Variants in HIPK3 observed in about 807,000 individuals in gnomAD.
The protein encoded by HIPK3 is homeodomain-interacting protein kinase 3.
In HIPK3, 47 loss-of-function variants were observed where a neutral mutation model predicts 124.2. The observed-to-expected ratio is 0.38, with a 90% CI of 0.30 to 0.48. The LOEUF is 0.48. Among genes scored for constraint, HIPK3 ranks in the 20% least tolerant of loss-of-function variants. HIPK3 has a pLI of 0.98. For synonymous variants in HIPK3, 482 were observed against 515.2 expected, an observed-to-expected ratio of 0.94 and a Z score of 0.87; for missense variants, 1,286 against 1,454.3, an observed-to-expected ratio of 0.88 and a Z score of 1.88.
chr11:33,320,486 G>A (rs1443687214), intron 2 of HIPK3, among the ~76,000 whole-genome samples: 1 of 152,146 alleles, frequency 6.6e-6, no homozygotes, highest in African/African-American at 2.4e-5. Flanking sequence ...GTACTAAATG[G>A]ATCACTCAGA....
intron 2 of HIPK3, among the ~76,000 whole-genome samples, chr11:33,325,594 T>C (rs1852787415): frequency 6.6e-6 from 1 of 152,218 alleles, no homozygotes; most frequent in African/African-American, 2.4e-5. Context: ...TCTTTCTGCC[T>C]AGACTTCTGT....
chr11:33,314,280 C>T (rs1465813077), intron 2 of HIPK3, among the ~76,000 whole-genome samples: 2 of 152,082 alleles, frequency 1.3e-5, no homozygotes, highest in Non-Finnish European at 2.9e-5. Flanking sequence ...TTTCTCCTGT[C>T]TAAAATGGGA....
chr11:33,299,855 C>T (rs533163027), intron 2 of HIPK3, among the ~76,000 whole-genome samples: 11 of 151,824 alleles, frequency 7.2e-5, no homozygotes, highest in Admixed American at 3.9e-4. Context: ...GGGACCTCAT[C>T]TCTACAAAAA....
intron 16 of HIPK3, among the ~76,000 whole-genome samples, chr11:33,352,547 C>T (rs1017773517): frequency 2.0e-5 from 3 of 152,150 alleles, no homozygotes; most frequent in African/African-American, 4.8e-5. Context: ...TTCCTGAATA[C>T]TTTCCATCTT....
chr11:33,257,265 G>A, upstream of HIPK3: 1 of 983,230 alleles, frequency 1.0e-6, no homozygotes, highest in Non-Finnish European at 1.2e-6. Context: ...GCCGCGGCCG[G>A]AGCGGAGCGG....
At chr11:33,310,949 G>A (rs958143976) in intron 2 of HIPK3, among the ~76,000 whole-genome samples, 10 of 152,190 alleles carry the variant, frequency 6.6e-5, no homozygotes, top group Non-Finnish European at 1.5e-4. Flanking sequence ...CATCTGCCAA[G>A]GCCCCTCTTC....
chr11:33,288,039 A>G (rs908329636), intron 2 of HIPK3, among the ~76,000 whole-genome samples: 2 of 152,184 alleles, frequency 1.3e-5, no homozygotes, highest in African/African-American at 4.8e-5. Context: ...AGCACCCCCA[A>G]ATTTGAAAAT....
chr11:33,319,559 T>A (rs753436609), intron 2 of HIPK3, among the ~76,000 whole-genome samples: 3 of 152,300 alleles, frequency 2.0e-5, no homozygotes, highest in Non-Finnish European at 4.4e-5. Flanking sequence ...AGTATTTTTT[T>A]AAATTTTGTA....
chr11:33,276,836 G>A (rs1851286111), intron 1 of HIPK3, among the ~76,000 whole-genome samples: 1 of 151,978 alleles, frequency 6.6e-6, no homozygotes, highest in African/African-American at 2.4e-5. Context: ...TTCTTGAGTA[G>A]CTGGATTACA....
chr11:33,343,025 A>G (rs1229636845), intron 8 of HIPK3, among the ~76,000 whole-genome samples: 2 of 152,114 alleles, frequency 1.3e-5, no homozygotes, highest in Non-Finnish European at 2.9e-5. Context: ...GGGGCCCTAA[A>G]CCAACATGTC....
At chr11:33,318,688 C>G (rs1335674022) in intron 2 of HIPK3, among the ~76,000 whole-genome samples, 1 of 152,106 alleles carries the variant, frequency 6.6e-6, no homozygotes, top group Non-Finnish European at 1.5e-5. Flanking sequence ...TGTCTCTTCC[C>G]CTTTTCTTTT....
Position 33,348,630 on chromosome 11 carries a change from T to A in HIPK3, c.2478T>A (p.Asn826Lys). The A allele has an allele frequency of 6.2e-7, 1 of 1,614,024 alleles. No individual in the cohort carries two copies. The highest frequency in any genetic ancestry group is 1.7e-5 in the Admixed American group (1 of 60,008). Residue 826 changes from asparagine (N) to lysine (K), a missense_variant, in exon 13 of 17, where the codon AAT (asparagine) becomes AAA (lysine). By Grantham distance (94) the Asn-to-Lys change is moderately conservative. This residue lies in a region of HIPK3 where 810 missense variants were observed against 864.9 expected (regional missense o/e 0.94). Coordinates refer to ENST00000303296, the MANE Select transcript of HIPK3 (RefSeq NM_005734.5). ...EEVSCIETQD[N>K]QNSEGEARNC... ...TAAGTTGTATAGAAACACAGGACAATCAGAACTCAGAAGGAGAGGCAAGAA... is the reference window on the plus strand; with the variant it reads ...TAAGTTGTATAGAAACACAGGACAAACAGAACTCAGAAGGAGAGGCAAGAA...
Position 33,288,639 on chromosome 11 carries a change from C to T in HIPK3, c.1097+1128C>T, listed in dbSNP as rs537552686. 4.5e-4 allele frequency among the ~76,000 whole-genome samples: 69 copies of T among 152,218 alleles called. 1 individual carries two copies. The highest frequency in any genetic ancestry group is 1.0e-3 in the South Asian group (5 of 4,810). ...CCATGTAAGTATTGATAAAGTGCTA[C>T]AATGTAACACTAGCCTGAAGTGCAA... On this transcript the variant is annotated intron_variant, in intron 2 of 16. Coordinates refer to ENST00000303296, the MANE Select transcript of HIPK3 (RefSeq NM_005734.5).
intron 2 of HIPK3, among the ~76,000 whole-genome samples, chr11:33,299,691 A>G (rs528381428): frequency 6.6e-6 from 1 of 152,290 alleles, no homozygotes; most frequent in East Asian, 1.9e-4. Flanking sequence ...GAAGTCTTTC[A>G]TGAAAGAGCA....
At chr11:33,305,786 A>G (rs887711160) in intron 2 of HIPK3, among the ~76,000 whole-genome samples, 1 of 152,102 alleles carries the variant, frequency 6.6e-6, no homozygotes, top group Non-Finnish European at 1.5e-5. Context: ...TTGGACCTTT[A>G]TCATTCAGCA....
intron 2 of HIPK3, among the ~76,000 whole-genome samples, chr11:33,313,306 A>T (rs1381555994): frequency 6.6e-6 from 1 of 152,188 alleles, no homozygotes; most frequent in African/African-American, 2.4e-5. Context: ...GGATTTATTT[A>T]TTTTTTTAAA....
chr11:33,336,127 A>C (rs760850417), intron 3 of HIPK3, among the ~76,000 whole-genome samples: 1 of 152,184 alleles, frequency 6.6e-6, no homozygotes, highest in Non-Finnish European at 1.5e-5. Context: ...GTTACTGAGA[A>C]GGGCAGAGTT....
At chr11:33,279,425 A>G (rs1438550458) in intron 1 of HIPK3, among the ~76,000 whole-genome samples, 1 of 151,938 alleles carries the variant, frequency 6.6e-6, no homozygotes, top group Non-Finnish European at 1.5e-5. Context: ...TCATATTGGC[A>G]AATAAATTGA....
intron 1 of HIPK3, among the ~76,000 whole-genome samples, chr11:33,266,626 G>C (rs1320693456): frequency 2.0e-5 from 3 of 152,182 alleles, no homozygotes; most frequent in Non-Finnish European, 2.9e-5. Context: ...AGGATTGCCT[G>C]AGCCCAGGGA....
Sources: gnomAD v4.1 joint callset for allele counts (sites outside exome capture counted in the v4.1 genomes callset) on GRCh38, gnomAD v4.1.1 for gene constraint, gnomAD v4.1.1 regional missense constraint, MANE v1.5 for transcripts, NCBI Gene and HGNC (gene_info 2026-07-23, HGNC 2026-07-21) for gene names.